VAV2: variants seen among roughly 807,000 people sequenced by gnomAD.
VAV2 encodes the protein vav guanine nucleotide exchange factor 2.
VAV2 carries 67 observed loss-of-function variants against 132.5 expected under a neutral mutation model. That is an observed-to-expected ratio of 0.51 (90% CI 0.42 to 0.62). VAV2 has a LOEUF of 0.62. Among genes scored for constraint, VAV2 ranks in the 20% least tolerant of loss-of-function variants. The pLI, the probability that VAV2 is intolerant of heterozygous loss-of-function variation, is 0.00. For missense variants in VAV2, 938 were observed against 1,153.6 expected, an observed-to-expected ratio of 0.81 and a Z score of 2.71; for synonymous variants, 492 against 443.5, an observed-to-expected ratio of 1.11 and a Z score of -1.37.
chr9:133,887,801 C>A (rs75586111), intron 2 of VAV2, among the ~76,000 whole-genome samples: 4 of 150,638 alleles, frequency 2.7e-5, no homozygotes, highest in African/African-American at 9.8e-5. Context: ...CCATCCCCCG[C>A]CCCCCACCCA....
intron 2 of VAV2, among the ~76,000 whole-genome samples, chr9:133,914,731 G>GA (rs1468122341): frequency 1.3e-5 from 1 of 75,644 alleles, no homozygotes. Context: ...CACGGGAGGG[G>GA]GAGGAGAGGG....
chr9:133,764,314 T>C (rs1833364310), intron 29 of VAV2, among the ~76,000 whole-genome samples: 1 of 152,016 alleles, frequency 6.6e-6, no homozygotes, highest in Non-Finnish European at 1.5e-5. Context: ...CAGTTTAAGA[T>C]GATCTGCCCA....
At chr9:133,980,255 G>C (rs961875415) in intron 1 of VAV2, among the ~76,000 whole-genome samples, 7 of 152,178 alleles carry the variant, frequency 4.6e-5, no homozygotes, top group African/African-American at 1.7e-4. Flanking sequence ...AGACCTGCAC[G>C]GGCTGGCACG....
intron 1 of VAV2, among the ~76,000 whole-genome samples, chr9:133,941,447 A>G (rs1386202416): frequency 2.6e-5 from 4 of 151,994 alleles, no homozygotes; most frequent in African/African-American, 9.7e-5. Flanking sequence ...GAAAACCTAG[A>G]TTGCTAATTT....
Position 133,840,903 on chromosome 9 carries a change from T to A in VAV2, c.381-6563A>T, listed in dbSNP as rs570519070. 1.3e-5 allele frequency among the ~76,000 whole-genome samples: 2 copies of A among 152,080 alleles called. No homozygotes were observed. The highest frequency in any genetic ancestry group is 4.8e-5 in the African/African-American group (2 of 41,422). On this transcript the variant is annotated intron_variant, in intron 3 of 29. Coordinates refer to ENST00000371850, the MANE Select transcript of VAV2 (RefSeq NM_001134398.2). The surrounding 1 kb of genome is among the most constrained non-coding windows in gnomAD (Gnocchi z 4.5). ...CCCACAGTCCAGAGGGAGGGGCACATTGGACGCGCAGGGGTCTCCAAGCTG... is the reference window on the plus strand; with the variant it reads ...CCCACAGTCCAGAGGGAGGGGCACAATGGACGCGCAGGGGTCTCCAAGCTG...
chr9:133,960,189 G>A (rs1841922505), intron 1 of VAV2, among the ~76,000 whole-genome samples: 1 of 152,220 alleles, frequency 6.6e-6, no homozygotes, highest in Non-Finnish European at 1.5e-5. Context: ...CGACAGTCCA[G>A]CGGATCCCAG....
chr9:133,936,449 C>T (rs538146477), intron 2 of VAV2, among the ~76,000 whole-genome samples: 1 of 152,146 alleles, frequency 6.6e-6, no homozygotes, highest in Non-Finnish European at 1.5e-5. Flanking sequence ...CACCGTGTTG[C>T]CCAGACTGGT....
intron 2 of VAV2, among the ~76,000 whole-genome samples, chr9:133,916,088 C>T (rs1030923277): frequency 2.0e-5 from 3 of 152,252 alleles, no homozygotes; most frequent in Non-Finnish European, 4.4e-5. Context: ...CGTGCACACA[C>T]GCACCTTCCC....
chr9:133,944,222 G>A (rs1027824478), intron 1 of VAV2, among the ~76,000 whole-genome samples: 16 of 152,156 alleles, frequency 1.1e-4, no homozygotes, highest in East Asian at 3.9e-4. Flanking sequence ...GAGCAGGGGC[G>A]CCCTTCAGCC....
Position 133,879,181 on chromosome 9 carries a change from C to T in VAV2, c.322-17749G>A, listed in dbSNP as rs565337087. On this transcript the variant is annotated intron_variant, in intron 2 of 29. Coordinates refer to ENST00000371850, the MANE Select transcript of VAV2 (RefSeq NM_001134398.2). This position sits in a 1 kb window ranked among gnomAD's most constrained non-coding sequence, Gnocchi z 4.4. ...AGCAGTGCCGGAGCTCTCTGCGCCCCAGGCCCTCCTCTGTAACGAGGCCCT... is the reference window on the plus strand; with the variant it reads ...AGCAGTGCCGGAGCTCTCTGCGCCCTAGGCCCTCCTCTGTAACGAGGCCCT... 4.5e-4 allele frequency among the ~76,000 whole-genome samples: 69 copies of T among 152,346 alleles called. No individual in the cohort carries two copies. Among genetic ancestry groups the T allele is most frequent in the African/African-American group, 1.1e-3 (45 of 41,576 alleles).
At chr9:133,970,199 C>T (rs559251917) in intron 1 of VAV2, among the ~76,000 whole-genome samples, 1 of 152,202 alleles carries the variant, frequency 6.6e-6, no homozygotes, top group African/African-American at 2.4e-5. Context: ...AAGGGCCAAT[C>T]ACTCACAAGT....
chr9:133,793,128 A>G (rs1588182114), intron 12 of VAV2, among the ~76,000 whole-genome samples: 1 of 151,626 alleles, frequency 6.6e-6, no homozygotes, highest in East Asian at 1.9e-4. Flanking sequence ...GGCCACCCCC[A>G]CTCCGGCGCC....
chr9:133,915,983 G>A (rs912332922), intron 2 of VAV2, among the ~76,000 whole-genome samples: 1 of 149,682 alleles, frequency 6.7e-6, no homozygotes, highest in Non-Finnish European at 1.5e-5. Context: ...ACACTCACAC[G>A]ATGCACACAT....
At chr9:133,930,512 T>C (rs1448224191) in intron 2 of VAV2, among the ~76,000 whole-genome samples, 1 of 152,270 alleles carries the variant, frequency 6.6e-6, no homozygotes, top group African/African-American at 2.4e-5. Flanking sequence ...TCCGTGCGCC[T>C]TCCATACAGA....
At chr9:133,808,983 C>T (rs1360902003) in intron 7 of VAV2, 57 bp downstream of exon 7, 16 of 1,510,946 alleles carry the variant, frequency 1.1e-5, no homozygotes, top group Non-Finnish European at 5.5e-6. Context: ...AGATAGGTGG[C>T]CCTGCAGTGA....
intron 1 of VAV2, among the ~76,000 whole-genome samples, chr9:133,959,321 G>A (rs1182181978): frequency 3.3e-5 from 5 of 152,108 alleles, no homozygotes; most frequent in East Asian, 3.9e-4. Context: ...CCTGCACCCC[G>A]ACCCACCTCA....
At chr9:133,817,828 G>T (rs1428287534) in intron 4 of VAV2, among the ~76,000 whole-genome samples, 1 of 152,052 alleles carries the variant, frequency 6.6e-6, no homozygotes, top group Non-Finnish European at 1.5e-5. Flanking sequence ...TCATTCATTT[G>T]TCGTACGTTT....
chr9:133,848,684 C>T (rs375881645), intron 3 of VAV2, among the ~76,000 whole-genome samples: 4 of 152,320 alleles, frequency 2.6e-5, no homozygotes, highest in African/African-American at 4.8e-5. Flanking sequence ...ACATGCCTCA[C>T]GTGGAGCCGG....
At chr9:133,933,811 G>A (rs1305319860) in intron 2 of VAV2, among the ~76,000 whole-genome samples, 1 of 150,720 alleles carries the variant, frequency 6.6e-6, no homozygotes, top group Admixed American at 6.6e-5. Flanking sequence ...ATGAATGATG[G>A]ATGAATGGAT....
Sources: allele counts gnomAD v4.1 joint callset (sites outside exome capture counted in the v4.1 genomes callset), GRCh38; gene constraint gnomAD v4.1.1; non-coding constraint Gnocchi (gnomAD v3.1); transcripts MANE v1.5; gene names NCBI Gene and HGNC (gene_info 2026-07-23, HGNC 2026-07-21).